Variants in MACROD2 observed in about 807,000 individuals in gnomAD.
MACROD2 encodes ADP-ribose glycohydrolase MACROD2.
A neutral mutation model predicts 70.4 loss-of-function variants in MACROD2; 36 were observed. The ratio of observed to expected loss-of-function variants is 0.51; its 90% CI spans 0.39 to 0.68. The LOEUF is 0.68. Ranked by LOEUF, MACROD2 falls within the 30% of genes least tolerant of loss-of-function variation. The probability of loss-of-function intolerance (pLI) is 0.00; values close to 1 mark genes in which losing one functional copy is unlikely to be tolerated. For missense variants in MACROD2, 496 were observed against 538.4 expected, an observed-to-expected ratio of 0.92 and a Z score of 0.78; for synonymous variants, 172 against 178.8, an observed-to-expected ratio of 0.96 and a Z score of 0.30.
intron 8 of MACROD2, among the ~76,000 whole-genome samples, chr20:15,772,095 AAAAAAAATATATAT>A (rs1322524031): frequency 3.0e-4 from 28 of 94,300 alleles, no homozygotes; most frequent in African/African-American, 1.3e-3. Context: ...AAAAAAAAAA[AAAAAAAATATATAT>A]ATATATATAT....
intron 3 of MACROD2, among the ~76,000 whole-genome samples, chr20:14,454,026 A>G (rs1049625155): frequency 6.6e-6 from 1 of 152,020 alleles, no homozygotes; most frequent in Non-Finnish European, 1.5e-5. Context: ...AAAAATTCAC[A>G]TTCTTATTAG....
At chr20:15,399,391 G>A (rs142256270) in intron 6 of MACROD2, among the ~76,000 whole-genome samples, 1 of 152,132 alleles carries the variant, frequency 6.6e-6, no homozygotes, top group Non-Finnish European at 1.5e-5. Flanking sequence ...TTACACTCCT[G>A]TGGTGTTTTT....
intron 3 of MACROD2, among the ~76,000 whole-genome samples, chr20:14,159,982 T>C (rs2055160809): frequency 6.6e-6 from 1 of 152,238 alleles, no homozygotes; most frequent in Non-Finnish European, 1.5e-5. Flanking sequence ...GAGATTATCA[T>C]GTGGTTTTTG....
intron 4 of MACROD2, among the ~76,000 whole-genome samples, chr20:14,600,343 T>TATATATATAC (rs1320891260): frequency 7.7e-6 from 1 of 130,196 alleles, no homozygotes; most frequent in African/African-American, 3.2e-5. Context: ...TATATATATA[T>TATATATATAC]ACACACACAC....
At chr20:15,439,389 A>G (rs1207780504) in intron 7 of MACROD2, among the ~76,000 whole-genome samples, 2 of 152,164 alleles carry the variant, frequency 1.3e-5, no homozygotes, top group Non-Finnish European at 2.9e-5. Flanking sequence ...TTAATCACTG[A>G]GATTATTTTA....
chr20:15,985,817 G>C (rs1241995136), intron 13 of MACROD2: 5 of 152,228 alleles, frequency 3.3e-5, no homozygotes, highest in Admixed American at 3.3e-4. Flanking sequence ...AGTTGTAGAA[G>C]GAAGGGCTTT....
intron 12 of MACROD2, among the ~76,000 whole-genome samples, chr20:15,956,025 G>A (rs1448418584): frequency 6.6e-6 from 1 of 152,186 alleles, no homozygotes; most frequent in Non-Finnish European, 1.5e-5. Context: ...CTTTGTATGT[G>A]TATGAGCTAA....
chr20:15,384,675 T>C (rs921389900), intron 6 of MACROD2, among the ~76,000 whole-genome samples: 2 of 152,202 alleles, frequency 1.3e-5, no homozygotes, highest in Non-Finnish European at 2.9e-5. Context: ...CACATACTTA[T>C]GAAAATAGTG....
At chr20:14,735,843 G>A (rs1240198990) in intron 5 of MACROD2, among the ~76,000 whole-genome samples, 2 of 151,758 alleles carry the variant, frequency 1.3e-5, no homozygotes, top group South Asian at 2.1e-4. Flanking sequence ...AGCCAGACTC[G>A]GACTCAAAAT....
At chr20:14,411,940 A>G (rs913960566) in intron 3 of MACROD2, among the ~76,000 whole-genome samples, 1 of 152,158 alleles carries the variant, frequency 6.6e-6, no homozygotes, top group African/African-American at 2.4e-5. Flanking sequence ...TTATTTTATT[A>G]TACACAGCAA....
At chr20:15,189,142 A>G (rs1378416783) in intron 5 of MACROD2, among the ~76,000 whole-genome samples, 1 of 151,998 alleles carries the variant, frequency 6.6e-6, no homozygotes, top group East Asian at 1.9e-4. Context: ...TTATCATGCC[A>G]CCTTTTTCAT....
rs192828142 is a variant in MACROD2 at position 16,011,385 on chromosome 20, G to A, written c.1153+24227G>A. On this transcript the variant is annotated intron_variant, in intron 15 of 17. Coordinates refer to ENST00000684519, the MANE Select transcript of MACROD2 (RefSeq NM_001351661.2). ...GCTTCTGCCTGACATCTCTGAGGTA[G>A]ATGCAAAGTCCCAGTTGTCCAGAGT... 1.1e-3 allele frequency among the ~76,000 whole-genome samples: 172 copies of A among 152,298 alleles called. 2 individuals carry two copies. Among genetic ancestry groups the A allele is most frequent in the African/African-American group, 3.9e-3 (163 of 41,570 alleles).
intron 4 of MACROD2, among the ~76,000 whole-genome samples, chr20:14,533,693 G>C (rs1288948861): frequency 1.3e-5 from 2 of 152,132 alleles, no homozygotes; most frequent in African/African-American, 2.4e-5. Flanking sequence ...TAAATAGTAT[G>C]TAGTTTTAAA....
At chr20:15,960,041 C>T (rs1000081153) in intron 12 of MACROD2, among the ~76,000 whole-genome samples, 4 of 152,196 alleles carry the variant, frequency 2.6e-5, no homozygotes, top group African/African-American at 7.2e-5. Context: ...TGAACTGGAT[C>T]ACCCAGGAGG....
At chr20:15,262,453 G>A (rs2077258202) in intron 6 of MACROD2, among the ~76,000 whole-genome samples, 1 of 151,994 alleles carries the variant, frequency 6.6e-6, no homozygotes, top group Non-Finnish European at 1.5e-5. Context: ...ACCTGTTGAT[G>A]GACACTTAGG....
chr20:14,140,027 T>C (rs971209517), intron 3 of MACROD2, among the ~76,000 whole-genome samples: 4 of 152,230 alleles, frequency 2.6e-5, no homozygotes, highest in African/African-American at 4.8e-5. Flanking sequence ...TTTATATATA[T>C]GCAAATACGC....
chr20:14,052,440 A>C (rs1486302338), intron 2 of MACROD2, among the ~76,000 whole-genome samples: 1 of 152,162 alleles, frequency 6.6e-6, no homozygotes, highest in Non-Finnish European at 1.5e-5. Context: ...TACAAATCTT[A>C]TTTGTAACTA....
intron 5 of MACROD2, among the ~76,000 whole-genome samples, chr20:15,016,880 C>A (rs2075125821): frequency 6.6e-6 from 1 of 152,070 alleles, no homozygotes; most frequent in Admixed American, 6.6e-5. Context: ...AAAGACCAGC[C>A]CCCATGATTC....
Position 14,976,027 on chromosome 20 carries a change from A to C in MACROD2, c.419-253913A>C, listed in dbSNP as rs542421107. The stretch of plus-strand genomic sequence containing the variant: ...GTCTTGGCAGAGGCCAGCATAGAGG[A>C]TATTCCCCAAGAGGTGGCTCCGACT... On this transcript the variant is annotated intron_variant, in intron 5 of 17. Transcript: ENST00000684519. Among the ~76,000 whole-genome samples, 4 of 152,244 alleles carry C rather than the reference A, an allele frequency of 2.6e-5. No homozygotes were observed. In the East Asian group the frequency reaches 7.7e-4, roughly 29 times the overall value.
Sources: gnomAD v4.1 joint callset for allele counts (sites outside exome capture counted in the v4.1 genomes callset) on GRCh38, gnomAD v4.1.1 for gene constraint, MANE v1.5 for transcripts, NCBI Gene and HGNC (gene_info 2026-07-23, HGNC 2026-07-21) for gene names.